The following PDGFD variants were observed in gnomAD, a reference collection of about 807,000 sequenced individuals.
PDGFD encodes the protein platelet-derived growth factor D.
PDGFD carries 30 observed loss-of-function variants against 44.7 expected under a neutral mutation model. The observed-to-expected ratio is 0.67, with a 90% CI of 0.50 to 0.91. The LOEUF (loss-of-function observed/expected upper bound fraction) is 0.91. Ranked by LOEUF, PDGFD falls within the 40% of genes least tolerant of loss-of-function variation. The probability of loss-of-function intolerance (pLI) is 0.00; values close to 1 mark genes in which losing one functional copy is unlikely to be tolerated. For missense variants in PDGFD, 445 were observed against 457.8 expected (o/e 0.97, Z 0.25); for synonymous variants, 173 against 168.4 (o/e 1.03, Z -0.21).
chr11:104,001,994 G>T (rs547463575), intron 1 of PDGFD, among the ~76,000 whole-genome samples: 1 of 152,312 alleles, frequency 6.6e-6, no homozygotes, highest in African/African-American at 2.4e-5. Flanking sequence ...TAGACTTTGT[G>T]TGGGAGACAG....
chr11:104,147,659 CT>C (rs1862183189), intron 1 of PDGFD, among the ~76,000 whole-genome samples: 1 of 152,110 alleles, frequency 6.6e-6, no homozygotes, highest in Non-Finnish European at 1.5e-5. Context: ...CAAATATATG[CT>C]GTCCAATGGC....
At chr11:103,935,978 CCTT>C (rs1565288692) in intron 5 of PDGFD, among the ~76,000 whole-genome samples, 1 of 152,110 alleles carries the variant, frequency 6.6e-6, no homozygotes, top group African/African-American at 2.4e-5. Flanking sequence ...ATTGCAACGT[CCTT>C]CTTTCTTTTG....
chr11:104,037,706 CACAGAGAA>C (rs763203242), intron 1 of PDGFD: 4 of 1,613,962 alleles, frequency 2.5e-6, no homozygotes. Context: ...GGAGTGGGCA[CACAGAGAA>C]TTATTGGCCG....
chr11:104,053,045 C>T (rs56898758), intron 1 of PDGFD, among the ~76,000 whole-genome samples: 7,163 of 152,088 alleles, frequency 0.047, 558 homozygotes, highest in African/African-American at 0.16. Flanking sequence ...TCTAATTATT[C>T]AGTTTATATG....
chr11:103,977,602 T>C (rs907677999), intron 3 of PDGFD, among the ~76,000 whole-genome samples: 1 of 152,064 alleles, frequency 6.6e-6, no homozygotes, highest in African/African-American at 2.4e-5. Flanking sequence ...CCGTAATTAT[T>C]TGTTGAATCA....
intron 1 of PDGFD, among the ~76,000 whole-genome samples, chr11:104,118,008 T>C (rs1292418225): frequency 2.0e-5 from 3 of 152,042 alleles, no homozygotes; most frequent in Admixed American, 6.6e-5. Context: ...CTAAATTTTG[T>C]ATATTAAGAT....
chr11:104,090,199 G>C (rs1861191802), intron 1 of PDGFD, among the ~76,000 whole-genome samples: 2 of 152,054 alleles, frequency 1.3e-5, no homozygotes, highest in Admixed American at 1.3e-4. Flanking sequence ...ACAATAAAAA[G>C]CTATGAATCT....
chr11:104,004,641 A>C (rs916021993), intron 1 of PDGFD, among the ~76,000 whole-genome samples: 1 of 152,182 alleles, frequency 6.6e-6, no homozygotes, highest in Non-Finnish European at 1.5e-5. Flanking sequence ...AAAAATAACA[A>C]TATTTCAGAT....
chr11:103,927,404 G>A (rs956556314), intron 5 of PDGFD, among the ~76,000 whole-genome samples: 1 of 152,014 alleles, frequency 6.6e-6, no homozygotes, highest in Non-Finnish European at 1.5e-5. Flanking sequence ...TCTTTTTTAT[G>A]CAAAAAAAGT....
Position 103,938,879 on chromosome 11 carries a change from A to G in PDGFD, c.772+4573T>C, listed in dbSNP as rs192960842. ...CAGATAGTTGTAGATATGCGGCATT[A>G]TTTCTGAGGGCTCTGTTCTGTTCCA... On this transcript the variant is annotated intron_variant, in intron 5 of 6. Coordinates refer to ENST00000393158, the MANE Select transcript of PDGFD (RefSeq NM_025208.5). Among the ~76,000 whole-genome samples, 938 of 152,144 alleles carry G rather than the reference A, an allele frequency of 6.2e-3. 3 individuals are homozygous for G. Among genetic ancestry groups the G allele is most frequent in the East Asian group, 0.027 (142 of 5,170 alleles).
intron 1 of PDGFD, among the ~76,000 whole-genome samples, chr11:104,118,748 A>G (rs1194694661): frequency 2.0e-5 from 2 of 98,110 alleles, no homozygotes; most frequent in East Asian, 2.6e-4. Context: ...ATATATTATT[A>G]TATAGTATAT....
chr11:104,000,754 T>C (rs748402928), intron 1 of PDGFD, among the ~76,000 whole-genome samples: 6 of 152,200 alleles, frequency 3.9e-5, no homozygotes, highest in Non-Finnish European at 8.8e-5. Context: ...TGGATTAGAA[T>C]CAGCAAATAA....
At chr11:104,041,963 A>G (rs1860360808) in intron 1 of PDGFD, among the ~76,000 whole-genome samples, 1 of 152,208 alleles carries the variant, frequency 6.6e-6, no homozygotes, top group Non-Finnish European at 1.5e-5. Flanking sequence ...CCAAGATTCC[A>G]TAAGCACTTA....
At chr11:104,082,135 T>C (rs751787804) in intron 1 of PDGFD, among the ~76,000 whole-genome samples, 14 of 145,274 alleles carry the variant, frequency 9.6e-5, no homozygotes, top group Non-Finnish European at 1.8e-4. Flanking sequence ...TATACATACA[T>C]ACATATATAT....
chr11:104,001,948 A>G (rs1398124287), intron 1 of PDGFD, among the ~76,000 whole-genome samples: 3 of 152,094 alleles, frequency 2.0e-5, no homozygotes, highest in Non-Finnish European at 4.4e-5. Context: ...CTTTTTTTGG[A>G]CTCATTTAAT....
At chr11:104,040,483 T>C (rs1402779691) in intron 1 of PDGFD, among the ~76,000 whole-genome samples, 1 of 152,104 alleles carries the variant, frequency 6.6e-6, no homozygotes, top group Non-Finnish European at 1.5e-5. Context: ...ATTCTGTGTA[T>C]ACTTAAAAAG....
intron 1 of PDGFD, among the ~76,000 whole-genome samples, chr11:104,082,928 T>G (rs1306199331): frequency 6.6e-6 from 1 of 152,094 alleles, no homozygotes; most frequent in Non-Finnish European, 1.5e-5. Context: ...CACAAATAAG[T>G]TTTAAGAACA....
intron 1 of PDGFD, among the ~76,000 whole-genome samples, chr11:104,065,620 T>G (rs183759054): frequency 2.3e-4 from 35 of 152,316 alleles, no homozygotes; most frequent in Admixed American, 7.2e-4. Context: ...AATAGAAAAT[T>G]CCGCATTGCT....
At chr11:104,088,958 G>A (rs1050790349) in intron 1 of PDGFD, among the ~76,000 whole-genome samples, 1 of 151,850 alleles carries the variant, frequency 6.6e-6, no homozygotes, top group Non-Finnish European at 1.5e-5. Context: ...AATCCATTGA[G>A]AAGGAAAACA....
Sources: allele counts gnomAD v4.1 joint callset (sites outside exome capture counted in the v4.1 genomes callset), GRCh38; gene constraint gnomAD v4.1.1; transcripts MANE v1.5; gene names NCBI Gene and HGNC (gene_info 2026-07-23, HGNC 2026-07-21).